The following CCDC180 variants were observed in gnomAD, a reference collection of about 807,000 sequenced individuals.
CCDC180 encodes the protein coiled-coil domain-containing protein 180.
CCDC180 carries 154 observed loss-of-function variants against 209.2 expected under a neutral mutation model. That is an observed-to-expected ratio of 0.74 (90% CI 0.65 to 0.84). The LOEUF is 0.84. Among genes scored for constraint, CCDC180 ranks in the 40% least tolerant of loss-of-function variants. CCDC180 has a pLI of 0.00. For synonymous variants in CCDC180, 778 were observed against 749.1 expected (o/e 1.04, Z -0.63); for missense variants, 1,874 against 1,997.3 (o/e 0.94, Z 1.18).
chr9:97,369,810 G>A (rs1827026574), intron 31 of CCDC180, 112 bp from the exon 32 acceptor site: 17 of 1,199,510 alleles, frequency 1.4e-5, no homozygotes, highest in East Asian at 2.4e-5. Context: ...CCACGTTGGA[G>A]ACCAAGATTT....
In CCDC180 at chr9:97,317,238, G is replaced by T. The variant is rs752462262; in HGVS notation, c.959+10G>T. ...TGCTGCAGAGTTTCAGGTCAGTGCCGCCCACACAGCTCCTTCTCCAGCCCA... is the reference window on the plus strand; with the variant it reads ...TGCTGCAGAGTTTCAGGTCAGTGCCTCCCACACAGCTCCTTCTCCAGCCCA... On this transcript the variant is annotated intron_variant, in intron 9 of 36. Coordinates refer to ENST00000529487, the MANE Select transcript of CCDC180 (RefSeq NM_020893.6). 1.9e-6 allele frequency: 3 copies of T among 1,554,560 alleles called. No homozygotes were observed. The highest frequency in any genetic ancestry group is 2.6e-6 in the Non-Finnish European group (3 of 1,140,670).
At chr9:97,330,818 C>T (rs1208516490) in intron 18 of CCDC180, 51 bp downstream of exon 18, 3 of 1,539,852 alleles carry the variant, frequency 1.9e-6, no homozygotes, top group South Asian at 2.5e-5. Flanking sequence ...TTGCTATGCT[C>T]ATTTTGTGTT....
chr9:97,350,852 A>G (rs1223957669), intron 22 of CCDC180, among the ~76,000 whole-genome samples: 1 of 152,100 alleles, frequency 6.6e-6, no homozygotes, highest in Non-Finnish European at 1.5e-5. Context: ...TCCTCCTTTC[A>G]GTTTCCATGA....
chr9:97,354,689 G>T lies in CCDC180; in HGVS notation c.3123G>T (p.Lys1041Asn), dbSNP rs200368278. The change falls in exon 23 of 37, where the codon AAG becomes AAT. Residue 1041 changes from lysine to asparagine, a missense_variant. By Grantham distance (94) the Lys-to-Asn change is moderately conservative. Transcript: ENST00000529487. ...VESVIMLNME[K>N]LENEYLDQAN... ...GTGTCATCATGCTCAACATGGAGAA[G>T]TTGGAGAATGAGTACCTGGACCAGG... 74 of 1,614,140 alleles carry T rather than the reference G, an allele frequency of 4.6e-5. No individual in the cohort carries two copies. The highest frequency in any genetic ancestry group is 2.3e-5 in the Non-Finnish European group (27 of 1,180,058).
chr9:97,348,404 G>A lies in CCDC180; in HGVS notation c.2675-707G>A, dbSNP rs529208371. On this transcript the variant is annotated intron_variant, in intron 20 of 36. Transcript: ENST00000529487. ...CACTGAGGAATAAAAAGGATTCTAT[G>A]TGCACTGAGTAAAAGCTCCCTGAAG... Among the ~76,000 whole-genome samples the A allele has an allele frequency of 9.0e-4, 137 of 152,306 alleles. 1 individual carries two copies. The highest frequency in any genetic ancestry group is 1.6e-3 in the Non-Finnish European group (107 of 68,034).
chr9:97,370,744 A>G lies in CCDC180; in HGVS notation c.4454A>G (p.Asp1485Gly), dbSNP rs763382877. 6.2e-7 allele frequency: 1 copy of G among 1,614,144 alleles called. No homozygotes were observed. Among genetic ancestry groups the G allele is most frequent in the Non-Finnish European group, 8.5e-7 (1 of 1,180,014 alleles). The change falls in exon 33 of 37, where the codon GAC becomes GGC. Residue 1485 changes from aspartate to glycine, a missense_variant. Transcript: ENST00000529487. ...LSEEERQEELDSMIRMNKEKL... is the reference protein window; with the variant it reads ...LSEEERQEELGSMIRMNKEKL... ...GAAGAGGAAAGGCAGGAAGAGCTGG[A>G]CAGCATGATTAGGATGAACAAGGAG... is the stretch of plus-strand genomic sequence containing the variant.
At position 97,322,894 on chromosome 9, in the gene CCDC180, G is replaced by C. The variant is rs745592058; in HGVS notation, c.1221G>C (p.Glu407Asp). Reference sequence around the variant, plus strand: ...TGCTGTATGAGAAGACATGGCAGGAGTGCCTGATGCATGTGCAGAATTGTA... The same window carrying C: ...TGCTGTATGAGAAGACATGGCAGGACTGCCTGATGCATGTGCAGAATTGTA... ...IRLLYEKTWQECLMHVQNCKK... is the reference protein window; with the variant it reads ...IRLLYEKTWQDCLMHVQNCKK... Residue 407 changes from glutamate to aspartate, a missense_variant, in exon 12 of 37, where the codon GAG becomes GAC. By Grantham distance (45) the Glu-to-Asp change is conservative (BLOSUM62 2). Transcript: ENST00000529487. The C allele has an allele frequency of 2.3e-5, 37 of 1,613,940 alleles. 1 individual carries two copies. The South Asian group carries it at 3.5e-4, about 15-fold the overall frequency.
At chr9:97,336,668 A>T (rs979033876) in intron 18 of CCDC180, among the ~76,000 whole-genome samples, 4 of 151,694 alleles carry the variant, frequency 2.6e-5, no homozygotes, top group African/African-American at 9.8e-5. Flanking sequence ...CTCCATATAG[A>T]CTTTAAAGTA....
intron 22 of CCDC180, among the ~76,000 whole-genome samples, chr9:97,351,156 AT>A (rs2118823269): frequency 6.6e-6 from 1 of 152,232 alleles, no homozygotes; most frequent in African/African-American, 2.4e-5. Flanking sequence ...GGTTTTAGTT[AT>A]TTTGGGTATT....
chr9:97,363,891 G>A (rs949713599), intron 28 of CCDC180, 160 bp from the exon 29 acceptor site: 6 of 650,806 alleles, frequency 9.2e-6, no homozygotes, highest in Non-Finnish European at 1.7e-5. Context: ...CAGCTGTTGA[G>A]AAGGGAAACG....
At chr9:97,338,488 A>G (rs567997485) in intron 18 of CCDC180, among the ~76,000 whole-genome samples, 1 of 152,256 alleles carries the variant, frequency 6.6e-6, no homozygotes, top group Admixed American at 6.5e-5. Flanking sequence ...GAGTTTCTTA[A>G]TCCTGAGTTC....
At chr9:97,313,057 C>T (rs1182501905) in intron 4 of CCDC180, among the ~76,000 whole-genome samples, 179 bp from the exon 5 acceptor site, 1 of 151,968 alleles carries the variant, frequency 6.6e-6, no homozygotes, top group Non-Finnish European at 1.5e-5. Context: ...GGCCTCGGTC[C>T]CTCTAGCACT....
chr9:97,342,572 C>T (rs1826118563), intron 18 of CCDC180, among the ~76,000 whole-genome samples: 1 of 152,228 alleles, frequency 6.6e-6, no homozygotes, highest in Non-Finnish European at 1.5e-5. Context: ...AGCTACTGCA[C>T]CCAGCCACAG....
intron 19 of CCDC180, 55 bp downstream of exon 19, chr9:97,343,618 G>A: frequency 7.8e-7 from 1 of 1,274,656 alleles, no homozygotes; most frequent in Non-Finnish European, 1.1e-6. Flanking sequence ...TGTAAACAAG[G>A]TGAAATATTA....
chr9:97,346,232 T>C (rs965979318), intron 19 of CCDC180, among the ~76,000 whole-genome samples: 2 of 152,232 alleles, frequency 1.3e-5, no homozygotes, highest in African/African-American at 4.8e-5. Context: ...AGCCTTAATA[T>C]CTGATAGTGT....
At position 97,314,834 on chromosome 9, in the gene CCDC180, T is replaced by C; in HGVS notation, c.700-17T>C. ...CCAGGAAGTGAGCCACTAAGTATGG[T>C]GCCTTGTCATTTCTAGCTAAAAAGC... is the stretch of plus-strand genomic sequence containing the variant. On this transcript the variant is annotated splice_polypyrimidine_tract_variant and intron_variant, in intron 7 of 36. Transcript: ENST00000529487. 1 of 1,610,204 alleles carries C rather than the reference T, an allele frequency of 6.2e-7. No individual in the cohort carries two copies. Among genetic ancestry groups the C allele is most frequent in the Non-Finnish European group, 8.5e-7 (1 of 1,176,396 alleles).
chr9:97,315,867 T>C (rs189911225), intron 8 of CCDC180, among the ~76,000 whole-genome samples: 2 of 152,330 alleles, frequency 1.3e-5, no homozygotes, highest in Admixed American at 6.5e-5. Flanking sequence ...GAAGATAATA[T>C]AGATGTTCCT....
In CCDC180 at chr9:97,343,193, T is replaced by TG. The variant is rs1054274024; in HGVS notation, c.2275-141dup. ...ACTTCCCAATTTTAAAAGCACTGTG[T>TG]GGGGGGCGAAAAAACCTAGGCAAGA... On this transcript the variant is annotated intron_variant, in intron 18 of 36. Transcript: ENST00000529487. 7.3e-5 allele frequency: 42 copies of TG among 571,438 alleles called. No homozygotes were observed. The Middle Eastern group carries it at 7.9e-4, about 11-fold the overall frequency. 35.4% of individuals were successfully genotyped at this position (571,438 alleles called of 1,614,324 possible). A position where few individuals can be genotyped will look rare whatever the true frequency, so the allele number is the denominator to read the frequency against.
At chr9:97,363,501 A>G in intron 28 of CCDC180, 2 of 477,002 alleles carry the variant, frequency 4.2e-6, no homozygotes, top group Non-Finnish European at 9.0e-6. Context: ...TCAGTCTCTG[A>G]GAGGTTACGA....
Sources: gnomAD v4.1 joint callset for allele counts (sites outside exome capture counted in the v4.1 genomes callset) on GRCh38, gnomAD v4.1.1 for gene constraint, MANE v1.5 for transcripts, NCBI Gene and HGNC (gene_info 2026-07-23, HGNC 2026-07-21) for gene names.